Variants in ANKS1B observed in about 807,000 individuals in gnomAD.
ANKS1B encodes ankyrin repeat and sterile alpha motif domain containing 1B, also known as ankyrin repeat and sterile alpha motif domain-containing protein 1B.
In ANKS1B, 36 loss-of-function variants were observed where a neutral mutation model predicts 148.3. That is an observed-to-expected ratio of 0.24 (90% CI 0.19 to 0.32). The LOEUF is 0.32. Among genes scored for constraint, ANKS1B ranks in the 10% least tolerant of loss-of-function variants. ANKS1B has a pLI of 1.00. For missense variants in ANKS1B, 1,157 were observed against 1,542.6 expected (o/e 0.75, Z 4.19); for synonymous variants, 542 against 560.8 (o/e 0.97, Z 0.47).
chr12:99,649,426 G>A (rs748503838), intron 9 of ANKS1B: 14 of 1,556,164 alleles, frequency 9.0e-6, no homozygotes, highest in Middle Eastern at 3.4e-4. Context: ...CATATACTAC[G>A]TTCAAGAGTT....
intron 8 of ANKS1B, among the ~76,000 whole-genome samples, chr12:99,715,441 C>T (rs1194510278): frequency 6.6e-6 from 1 of 152,186 alleles, no homozygotes; most frequent in Non-Finnish European, 1.5e-5. Context: ...TGTAATTTTC[C>T]TTTACCTACC....
At chr12:98,736,111 C>T (rs927706931) in intron 9 of ANKS1B, among the ~76,000 whole-genome samples, 1 of 152,112 alleles carries the variant, frequency 6.6e-6, no homozygotes, top group South Asian at 2.1e-4. Context: ...GCCTCTTAGG[C>T]CACAGTAAGG....
chr12:99,605,825 ACTT>A (rs2097847453), intron 9 of ANKS1B, among the ~76,000 whole-genome samples: 2 of 152,074 alleles, frequency 1.3e-5, no homozygotes, highest in African/African-American at 4.8e-5. Context: ...TGACACACTG[ACTT>A]CATTTAATCT....
chr12:99,486,467 T>TGC (rs2096490503), intron 10 of ANKS1B, among the ~76,000 whole-genome samples: 1 of 146,932 alleles, frequency 6.8e-6, no homozygotes, highest in East Asian at 1.9e-4. Context: ...TATTTATTTA[T>TGC]TTATTTATTT....
At chr12:99,845,142 G>C (rs941374510) in intron 1 of ANKS1B, among the ~76,000 whole-genome samples, 1 of 152,158 alleles carries the variant, frequency 6.6e-6, no homozygotes, top group Non-Finnish European at 1.5e-5. Flanking sequence ...CTGAGATGTG[G>C]GGTTTTCTAC....
chr12:99,620,474 C>A (rs1350729413), intron 9 of ANKS1B, among the ~76,000 whole-genome samples: 3 of 151,898 alleles, frequency 2.0e-5, no homozygotes, highest in Non-Finnish European at 2.9e-5. Flanking sequence ...AAAATCAACA[C>A]AAATAAACTT....
At chr12:99,306,443 C>T (rs1445433072) in intron 12 of ANKS1B, among the ~76,000 whole-genome samples, 4 of 151,910 alleles carry the variant, frequency 2.6e-5, no homozygotes, top group Non-Finnish European at 5.9e-5. Flanking sequence ...CCTACCCCCA[C>T]CCCCATAACT....
chr12:98,943,288 C>T (rs945736079), intron 17 of ANKS1B, among the ~76,000 whole-genome samples: 9 of 152,202 alleles, frequency 5.9e-5, no homozygotes, highest in African/African-American at 2.2e-4. Context: ...AAACTCAAGG[C>T]TATTTCAGTA....
intron 15 of ANKS1B, among the ~76,000 whole-genome samples, chr12:99,132,110 G>T (rs1164399723): frequency 6.6e-6 from 1 of 152,082 alleles, no homozygotes; most frequent in East Asian, 1.9e-4. Context: ...CATGGCAACA[G>T]AAAATGTTGG....
At chr12:99,212,507 A>G (rs1023496634) in intron 14 of ANKS1B, among the ~76,000 whole-genome samples, 1 of 152,134 alleles carries the variant, frequency 6.6e-6, no homozygotes, top group African/African-American at 2.4e-5. Flanking sequence ...TTGTCACAGC[A>G]TTGCATTTTC....
At chr12:99,821,545 A>ACTAAATACTTCAGCATTTAC (rs1428486206) in intron 2 of ANKS1B, among the ~76,000 whole-genome samples, 60 of 152,148 alleles carry the variant, frequency 3.9e-4, no homozygotes, top group African/African-American at 1.4e-3. Context: ...ACTGTCATGT[A>ACTAAATACTTCAGCATTTAC]TAAATCAGCA....
chr12:99,186,159 T>C (rs7958533), intron 14 of ANKS1B, among the ~76,000 whole-genome samples: 23,683 of 152,098 alleles, frequency 0.16, 4,884 homozygotes, highest in African/African-American at 0.47. Context: ...TGCAGATTGG[T>C]AAAGCTGCTG....
chr12:99,859,642 GTTTTGT>G (rs1285046483), intron 1 of ANKS1B, among the ~76,000 whole-genome samples: 1 of 150,706 alleles, frequency 6.6e-6, no homozygotes, highest in Non-Finnish European at 1.5e-5. Context: ...AAAGTTTTTT[GTTTTGT>G]TTTTGTTTTT....
intron 1 of ANKS1B, among the ~76,000 whole-genome samples, chr12:99,889,431 C>A (rs767873756): frequency 3.3e-5 from 5 of 152,134 alleles, no homozygotes; most frequent in Non-Finnish European, 7.4e-5. Context: ...AAAAATGCAT[C>A]TTTTTTTGCA....
chr12:98,847,703 C>T (rs1443161879), intron 17 of ANKS1B, among the ~76,000 whole-genome samples: 1 of 152,176 alleles, frequency 6.6e-6, no homozygotes, highest in Non-Finnish European at 1.5e-5. Flanking sequence ...TCAAACGATT[C>T]TCCTGCTTCA....
intron 17 of ANKS1B, among the ~76,000 whole-genome samples, chr12:98,875,014 T>C (rs1274934241): frequency 6.6e-6 from 1 of 152,230 alleles, no homozygotes; most frequent in Non-Finnish European, 1.5e-5. Context: ...TTAAACAGTT[T>C]AAACAAAAGT....
At chr12:99,378,224 A>G (rs1040034145) in intron 12 of ANKS1B, among the ~76,000 whole-genome samples, 4 of 152,218 alleles carry the variant, frequency 2.6e-5, no homozygotes, top group African/African-American at 7.2e-5. Flanking sequence ...CATCAGACTT[A>G]CAGGGAACAC....
At chr12:99,783,300 CTTACA>C (rs909377792) in intron 4 of ANKS1B, among the ~76,000 whole-genome samples, 17 of 152,214 alleles carry the variant, frequency 1.1e-4, no homozygotes, top group African/African-American at 4.1e-4. Flanking sequence ...GCTCAGAACA[CTTACA>C]TTAACCTAGT....
At chr12:99,519,647 G>C (rs1388118476) in intron 9 of ANKS1B, among the ~76,000 whole-genome samples, 3 of 151,966 alleles carry the variant, frequency 2.0e-5, no homozygotes, top group Non-Finnish European at 4.4e-5. Context: ...TGCAGGCACA[G>C]ATCATTGGCT....
Sources: allele counts gnomAD v4.1 joint callset (sites outside exome capture counted in the v4.1 genomes callset), GRCh38; gene constraint gnomAD v4.1.1; transcripts MANE v1.5; gene names NCBI Gene and HGNC (gene_info 2026-07-23, HGNC 2026-07-21).